HIVEP2: variants seen among roughly 807,000 people sequenced by gnomAD.
HIVEP2 encodes HIVEP zinc finger 2.
Under a neutral mutation model 180.7 loss-of-function variants are expected in HIVEP2, and 14 were observed. That is an observed-to-expected ratio of 0.08 (90% CI 0.05 to 0.12). The LOEUF is 0.12. Among genes scored for constraint, HIVEP2 ranks in the 10% least tolerant of loss-of-function variants. The probability of loss-of-function intolerance (pLI) is 1.00; values close to 1 mark genes in which losing one functional copy is unlikely to be tolerated. For synonymous variants in HIVEP2, 1,184 were observed against 1,136.4 expected, an observed-to-expected ratio of 1.04 and a Z score of -0.84; for missense variants, 2,579 against 3,008.5, an observed-to-expected ratio of 0.86 and a Z score of 3.34.
intron 1 of HIVEP2, among the ~76,000 whole-genome samples, chr6:142,860,138 G>GA (rs758069117): frequency 1.3e-5 from 2 of 152,050 alleles, no homozygotes; most frequent in South Asian, 2.1e-4. Context: ...AAAAAGATAA[G>GA]AAAAAAACTG....
chr6:142,937,285 A>G (rs1456542377), intron 1 of HIVEP2, among the ~76,000 whole-genome samples: 2 of 152,182 alleles, frequency 1.3e-5, no homozygotes, highest in African/African-American at 4.8e-5. Flanking sequence ...CCATTTGAAA[A>G]TATTTAATAT....
intron 9 of HIVEP2, among the ~76,000 whole-genome samples, chr6:142,756,411 C>T (rs560202324): frequency 1.3e-5 from 2 of 152,334 alleles, no homozygotes; most frequent in South Asian, 4.1e-4. Flanking sequence ...CTGCCCACTA[C>T]ATTCCTTACA....
intron 1 of HIVEP2, among the ~76,000 whole-genome samples, chr6:142,883,504 C>T (rs558250580): frequency 6.6e-6 from 1 of 152,202 alleles, no homozygotes; most frequent in South Asian, 2.1e-4. Context: ...AATACATAAC[C>T]CTCCTACATG....
At chr6:142,787,746 T>C (rs1010103506) in intron 2 of HIVEP2, among the ~76,000 whole-genome samples, 1 of 152,002 alleles carries the variant, frequency 6.6e-6, no homozygotes, top group African/African-American at 2.4e-5. Flanking sequence ...TTCAGAAATA[T>C]TTTTGATATA....
intron 2 of HIVEP2, among the ~76,000 whole-genome samples, chr6:142,788,757 C>T (rs966786150): frequency 4.0e-5 from 6 of 151,838 alleles, no homozygotes; most frequent in Non-Finnish European, 8.8e-5. Context: ...AACAAACAAA[C>T]GAAGAGCTCA....
chr6:142,908,854 C>CAAAAAAAA (rs11443809), intron 1 of HIVEP2, among the ~76,000 whole-genome samples: 1 of 87,878 alleles, frequency 1.1e-5, no homozygotes, highest in Admixed American at 1.3e-4. Flanking sequence ...TACCACCTCT[C>CAAAAAAAA]AAAAAAAAAA....
At chr6:142,856,518 G>T (rs945436671) in intron 1 of HIVEP2, among the ~76,000 whole-genome samples, 1 of 152,252 alleles carries the variant, frequency 6.6e-6, no homozygotes, top group Non-Finnish European at 1.5e-5. Flanking sequence ...TGCCTCAGCA[G>T]TCAGCTGGAG....
chr6:142,814,498 G>C (rs1227031876), intron 2 of HIVEP2, among the ~76,000 whole-genome samples: 2 of 152,116 alleles, frequency 1.3e-5, no homozygotes. Flanking sequence ...GGCAGAGGTG[G>C]TGGGTTGGAG....
intron 1 of HIVEP2, among the ~76,000 whole-genome samples, chr6:142,933,519 G>T (rs1777986189): frequency 6.6e-6 from 1 of 152,314 alleles, no homozygotes; most frequent in Middle Eastern, 3.4e-3. Flanking sequence ...TATAGGAAAA[G>T]AAGGACTATC....
intron 1 of HIVEP2, among the ~76,000 whole-genome samples, chr6:142,860,053 C>T (rs377580372): frequency 6.6e-6 from 1 of 151,760 alleles, no homozygotes; most frequent in East Asian, 1.9e-4. Flanking sequence ...CCTGTAAGTT[C>T]TCCTCTTAAA....
chr6:142,836,801 A>G (rs1775235251), intron 2 of HIVEP2, 134 bp downstream of exon 2: 1 of 152,170 alleles, frequency 6.6e-6, no homozygotes. Flanking sequence ...TATCCAAAAC[A>G]TCTATCACAG....
chr6:142,840,587 CGTAA>C (rs1775338813), intron 1 of HIVEP2, among the ~76,000 whole-genome samples: 1 of 151,930 alleles, frequency 6.6e-6, no homozygotes, highest in Non-Finnish European at 1.5e-5. Flanking sequence ...TTTAACATTT[CGTAA>C]GTATGTTATT....
At chr6:142,934,596 C>T (rs1778009967) in intron 1 of HIVEP2, among the ~76,000 whole-genome samples, 1 of 152,182 alleles carries the variant, frequency 6.6e-6, no homozygotes, top group African/African-American at 2.4e-5. Flanking sequence ...GGATTTTTCC[C>T]TTGCTTAGAG....
intron 2 of HIVEP2, among the ~76,000 whole-genome samples, chr6:142,824,652 C>G (rs532242206): frequency 6.6e-6 from 1 of 152,192 alleles, no homozygotes; most frequent in African/African-American, 2.4e-5. Context: ...CAGAATCTCA[C>G]AAAGTTTATG....
intron 6 of HIVEP2, among the ~76,000 whole-genome samples, chr6:142,766,952 C>T (rs1343761587): frequency 6.6e-6 from 1 of 152,110 alleles, no homozygotes; most frequent in African/African-American, 2.4e-5. Flanking sequence ...ACTTGGTCAC[C>T]ACTGGGCAGA....
rs1386903853 is a variant in HIVEP2, at chr6:142,774,012, T to C, written c.727A>G (p.Ile243Val). The change falls in exon 5 of 10, where the codon ATT (isoleucine) becomes GTT (valine). Residue 243 changes from isoleucine (I) to valine (V), a missense_variant. Ile to Val is a conservative substitution (Grantham distance 29). This residue lies in a region of HIVEP2 where 142 missense variants were observed against 135.2 expected (regional missense o/e 1.05). Coordinates refer to ENST00000367603, the MANE Select transcript of HIVEP2 (RefSeq NM_006734.4). This position sits in a 1 kb window ranked among gnomAD's most constrained non-coding sequence, Gnocchi z 5.1. Reference sequence around the variant, plus strand: ...GTGAAAGGTACTAATCCTGCCTTAATTGCATGGGCATGTGACTTCCTGTGC... The same window carrying C: ...GTGAAAGGTACTAATCCTGCCTTAACTGCATGGGCATGTGACTTCCTGTGC... ...YKHRKSHAHA[I>V]KAGLVPFTES... The C allele has an allele frequency of 6.2e-7, 1 of 1,614,242 alleles. No individual in the cohort carries two copies. Among genetic ancestry groups the C allele is most frequent in the South Asian group, 1.1e-5 (1 of 91,080 alleles).
intron 1 of HIVEP2, among the ~76,000 whole-genome samples, chr6:142,839,948 C>T (rs981461284): frequency 6.6e-6 from 1 of 152,088 alleles, no homozygotes; most frequent in African/African-American, 2.4e-5. Context: ...AGCCACTGTG[C>T]CTCTCATAGG....
Position 142,774,825 on chromosome 6 carries a change from G to A in HIVEP2, c.-87C>T. The A allele has an allele frequency of 2.0e-6, 3 of 1,528,884 alleles. No individual in the cohort carries two copies. The highest frequency in any genetic ancestry group is 2.6e-6 in the Non-Finnish European group (3 of 1,142,506). The allele number at this position is 1,528,884 out of a possible 1,614,324, so 94.7% of individuals were successfully genotyped here. A position where few individuals can be genotyped will look rare whatever the true frequency, so the allele number is the denominator to read the frequency against. On this transcript the variant is annotated 5_prime_UTR_variant, in exon 5 of 10. Coordinates refer to ENST00000367603, the MANE Select transcript of HIVEP2 (RefSeq NM_006734.4). The surrounding 1 kb of genome is among the most constrained non-coding windows in gnomAD (Gnocchi z 5.1). ...TCCAAAGCTGTGCTTCTTAAAGCTT[G>A]GTTGCTTCCATGTTCCAGGGTGTCT...
intron 1 of HIVEP2, among the ~76,000 whole-genome samples, chr6:142,873,823 A>AT (rs1397447154): frequency 1.3e-5 from 2 of 152,154 alleles, no homozygotes; most frequent in African/African-American, 4.8e-5. Context: ...TAGCTCCTGA[A>AT]TTTTTTTAAG....
Sources: allele counts gnomAD v4.1 joint callset (sites outside exome capture counted in the v4.1 genomes callset), GRCh38; gene constraint gnomAD v4.1.1; regional missense constraint gnomAD v4.1.1; non-coding constraint Gnocchi (gnomAD v3.1); transcripts MANE v1.5; gene names NCBI Gene and HGNC (gene_info 2026-07-23, HGNC 2026-07-21).